The following FOXP2 variants were observed in gnomAD, a reference collection of about 807,000 sequenced individuals.
The protein encoded by FOXP2 is forkhead box protein P2.
Under a neutral mutation model 115.8 loss-of-function variants are expected in FOXP2, and 12 were observed. The ratio of observed to expected loss-of-function variants is 0.10; its 90% confidence interval spans 0.07 to 0.17. The LOEUF (loss-of-function observed/expected upper bound fraction) is 0.17. FOXP2 is among the 10% of genes least tolerant of loss of function. The pLI is 1.00. For missense variants in FOXP2, 629 were observed against 843.5 expected, an observed-to-expected ratio of 0.75 and a Z score of 3.15; for synonymous variants, 328 against 297.7, an observed-to-expected ratio of 1.10 and a Z score of -1.05.
intron 3 of FOXP2, among the ~76,000 whole-genome samples, chr7:114,594,370 G>T (rs1450419864): frequency 1.3e-5 from 2 of 151,936 alleles, no homozygotes; most frequent in East Asian, 3.9e-4. Flanking sequence ...ACTTAATTTT[G>T]CTGTCAATCA....
At chr7:114,449,093 G>A (rs1266968361) in intron 2 of FOXP2, among the ~76,000 whole-genome samples, 3 of 151,856 alleles carry the variant, frequency 2.0e-5, no homozygotes, top group Non-Finnish European at 4.4e-5. Flanking sequence ...GCATTGTTGT[G>A]AGAACTAAAT....
intron 1 of FOXP2, among the ~76,000 whole-genome samples, chr7:114,244,639 T>C (rs1288727511): frequency 6.6e-6 from 1 of 152,244 alleles, no homozygotes; most frequent in Non-Finnish European, 1.5e-5. Flanking sequence ...CCTATTTCTA[T>C]TTATCAATTG....
At chr7:114,640,317 A>G (rs1805454534) in intron 6 of FOXP2, among the ~76,000 whole-genome samples, 2 of 152,032 alleles carry the variant, frequency 1.3e-5, no homozygotes, top group African/African-American at 2.4e-5. Context: ...TTTTTTATGG[A>G]AAAAAAATGG....
intron 2 of FOXP2, among the ~76,000 whole-genome samples, chr7:114,481,445 C>T (rs1425003410): frequency 3.3e-5 from 5 of 151,126 alleles, no homozygotes; most frequent in South Asian, 2.1e-4. Flanking sequence ...GGATCAGTTC[C>T]GAATTACAGT....
intron 2 of FOXP2, among the ~76,000 whole-genome samples, chr7:114,491,135 G>T (rs1431876940): frequency 6.6e-6 from 1 of 152,160 alleles, no homozygotes; most frequent in Non-Finnish European, 1.5e-5. Flanking sequence ...GTGTAACAGT[G>T]TTCCTATTTC....
chr7:114,113,866 G>T (rs559388538), intron 1 of FOXP2, among the ~76,000 whole-genome samples: 1 of 152,072 alleles, frequency 6.6e-6, no homozygotes, highest in East Asian at 1.9e-4. Flanking sequence ...TATTTTTGGG[G>T]TAAATAATTT....
At chr7:114,447,684 T>A (rs1312884282) in intron 2 of FOXP2, among the ~76,000 whole-genome samples, 1 of 152,198 alleles carries the variant, frequency 6.6e-6, no homozygotes, top group Non-Finnish European at 1.5e-5. Flanking sequence ...ATATTTTGAA[T>A]CTGAGATTTA....
intron 8 of FOXP2, among the ~76,000 whole-genome samples, chr7:114,649,608 T>A (rs1164167931): frequency 6.6e-6 from 1 of 152,172 alleles, no homozygotes; most frequent in African/African-American, 2.4e-5. Flanking sequence ...AATTTAATGT[T>A]AATACTTAGC....
chr7:114,245,273 T>C (rs1487040240), intron 1 of FOXP2, among the ~76,000 whole-genome samples: 1 of 152,208 alleles, frequency 6.6e-6, no homozygotes, highest in Non-Finnish European at 1.5e-5. Context: ...ACATAATTGA[T>C]GCTCAAATAT....
chr7:114,194,748 T>C (rs554953627), intron 1 of FOXP2, among the ~76,000 whole-genome samples: 1 of 152,270 alleles, frequency 6.6e-6, no homozygotes, highest in South Asian at 2.1e-4. Flanking sequence ...TAATTCTAAC[T>C]GTATACAAAA....
chr7:114,368,532 G>A (rs886661256), intron 2 of FOXP2, among the ~76,000 whole-genome samples: 9 of 152,186 alleles, frequency 5.9e-5, no homozygotes, highest in African/African-American at 2.2e-4. Flanking sequence ...AACCATGGGT[G>A]TTATCCTGAA....
At chr7:114,630,352 A>G (rs1804833828) in intron 5 of FOXP2, among the ~76,000 whole-genome samples, 1 of 152,116 alleles carries the variant, frequency 6.6e-6, no homozygotes, top group Non-Finnish European at 1.5e-5. Context: ...CTCAGAGAAC[A>G]TGCATGCAAA....
chr7:114,237,178 A>T lies in FOXP2; in HGVS notation c.-101-50841A>T, dbSNP rs573396697. ...TTTATACATAAATAAATGAATATTT[A>T]TGCCCTGAAACATTTGTACGAGTAT... On this transcript the variant is annotated intron_variant, in intron 1 of 17. Transcript: ENST00000634411. Among the ~76,000 whole-genome samples the T allele has an allele frequency of 1.3e-3, 192 of 152,320 alleles. 1 individual carries two copies. Among genetic ancestry groups the T allele is most frequent in the African/African-American group, 4.5e-3 (185 of 41,572 alleles).
chr7:114,136,486 A>G (rs576199910), intron 1 of FOXP2, among the ~76,000 whole-genome samples: 2 of 152,172 alleles, frequency 1.3e-5, no homozygotes, highest in East Asian at 3.9e-4. Flanking sequence ...GTAAAAGTTT[A>G]TTTATATAGT....
chr7:114,179,869 A>T (rs1793413485), intron 1 of FOXP2, among the ~76,000 whole-genome samples: 1 of 152,030 alleles, frequency 6.6e-6, no homozygotes. Flanking sequence ...TCTGAGGCTA[A>T]CAAGGAGACT....
intron 2 of FOXP2, among the ~76,000 whole-genome samples, chr7:114,318,146 T>C (rs1436679596): frequency 2.0e-5 from 3 of 152,190 alleles, no homozygotes; most frequent in South Asian, 4.1e-4. Context: ...CAATTTACTG[T>C]TCTAATTTTA....
intron 3 of FOXP2, among the ~76,000 whole-genome samples, chr7:114,592,641 C>A (rs936643151): frequency 6.6e-6 from 1 of 151,866 alleles, no homozygotes; most frequent in East Asian, 1.9e-4. Flanking sequence ...TAGTGTGTAA[C>A]TATTTTTAAC....
intron 2 of FOXP2, among the ~76,000 whole-genome samples, chr7:114,466,204 A>G (rs1795792029): frequency 6.6e-6 from 1 of 152,074 alleles, no homozygotes; most frequent in Non-Finnish European, 1.5e-5. Context: ...TTTGCTAGAG[A>G]CCCATCACTG....
intron 2 of FOXP2, among the ~76,000 whole-genome samples, chr7:114,446,079 TC>T (rs1794825638): frequency 1.8e-5 from 1 of 57,016 alleles, no homozygotes; most frequent in Non-Finnish European, 4.7e-5. Flanking sequence ...ATATCATAAG[TC>T]TGATATTTTT....
Sources: gnomAD v4.1 joint callset for allele counts (sites outside exome capture counted in the v4.1 genomes callset) on GRCh38, gnomAD v4.1.1 for gene constraint, MANE v1.5 for transcripts, NCBI Gene and HGNC (gene_info 2026-07-23, HGNC 2026-07-21) for gene names.